PCDH11X: variants seen among roughly 807,000 people sequenced by gnomAD.
PCDH11X encodes the protein protocadherin-11 X-linked.
A neutral mutation model predicts 53.3 loss-of-function variants in PCDH11X; 18 were observed. That is an observed-to-expected ratio of 0.34 (90% CI 0.23 to 0.50). PCDH11X has a LOEUF of 0.50. Ranked by LOEUF, PCDH11X falls within the 20% of genes least tolerant of loss-of-function variation. The pLI is 0.98. For missense variants in PCDH11X, 570 were observed against 1,032.4 expected (o/e 0.55, Z 6.14); for synonymous variants, 279 against 393.3 (o/e 0.71, Z 3.44).
At position 91,787,283 on chromosome X, in the gene PCDH11X, G is replaced by GT. The variant is rs1159448773; in HGVS notation, c.-379+7607dup. Among the ~76,000 whole-genome samples, 8 of 109,550 alleles carry GT rather than the reference G, an allele frequency of 7.3e-5. No homozygotes were observed. The South Asian group carries it at 1.2e-3, about 16-fold the overall frequency. Reference sequence around the variant, plus strand: ...TGTTTGCCAATGATTTTTAGGTAGTGTTTTTTTTCCTGACACGACATTTTG... The same window carrying GT: ...TGTTTGCCAATGATTTTTAGGTAGTGTTTTTTTTTCCTGACACGACATTTTG... On this transcript the variant is annotated intron_variant, in intron 1 of 10. Transcript: ENST00000682573.
intron 6 of PCDH11X, among the ~76,000 whole-genome samples, chrX:92,174,597 G>T (rs183976284): frequency 8.9e-6 from 1 of 111,987 alleles, no homozygotes; most frequent in East Asian, 2.8e-4. Context: ...AAGATTGCAT[G>T]CTGAAACCAA....
chrX:92,265,019 GCTTTT>G (rs1211621655), intron 8 of PCDH11X, among the ~76,000 whole-genome samples: 1 of 108,336 alleles, frequency 9.2e-6, no homozygotes, highest in Non-Finnish European at 1.9e-5. Context: ...AACAGAAAAT[GCTTTT>G]CTTTATAAGG....
At chrX:92,391,369 G>T (rs772344701) in intron 9 of PCDH11X, among the ~76,000 whole-genome samples, 295 of 109,035 alleles carry the variant, frequency 2.7e-3, no homozygotes, top group Middle Eastern at 0.024. Flanking sequence ...CCCTGGTAAA[G>T]AACAAGTTGT....
At chrX:92,474,504 A>G (rs2073334060) in intron 10 of PCDH11X, among the ~76,000 whole-genome samples, 1 of 91,443 alleles carries the variant, frequency 1.1e-5, no homozygotes, top group East Asian at 3.5e-4. Context: ...TTTTCTGTTC[A>G]TTTTGTGGCC....
At chrX:92,515,382 C>T (rs1432913187) in intron 10 of PCDH11X, 4 of 218,809 alleles carry the variant, frequency 1.8e-5, no homozygotes, top group Non-Finnish European at 2.4e-5. Context: ...CAGCCGCCCC[C>T]GACAGTCTGC....
intron 10 of PCDH11X, among the ~76,000 whole-genome samples, chrX:92,559,947 A>G (rs2075108630): frequency 1.8e-5 from 2 of 111,522 alleles, no homozygotes; most frequent in East Asian, 2.8e-4. Flanking sequence ...TTAGAGTGGC[A>G]TGTGACCTAG....
At chrX:92,031,677 A>T (rs2063052835) in intron 6 of PCDH11X, among the ~76,000 whole-genome samples, 1 of 111,178 alleles carries the variant, frequency 9.0e-6, no homozygotes, top group Non-Finnish European at 1.9e-5. Flanking sequence ...AGAGACAGGG[A>T]TCTAGTTTCA....
At chrX:91,844,370 G>A (rs773313653) in intron 5 of PCDH11X, among the ~76,000 whole-genome samples, 1 of 110,312 alleles carries the variant, frequency 9.1e-6, no homozygotes, top group South Asian at 3.9e-4. Context: ...TGAATCAAAT[G>A]TCTCCTCTTC....
chrX:92,177,694 C>A lies in PCDH11X; in HGVS notation c.3034-23681C>A, dbSNP rs772073412. ...TGTGAATTTTGGTGCAATATTCAGA[C>A]AAAACCTAGAACATCTTAGGTGAAC... On this transcript the variant is annotated intron_variant, in intron 6 of 10. Coordinates refer to ENST00000682573, the MANE Select transcript of PCDH11X (RefSeq NM_032968.5). Among the ~76,000 whole-genome samples, 250 of 111,352 alleles carry A rather than the reference C, an allele frequency of 2.2e-3. 2 individuals carry two copies. Among genetic ancestry groups the A allele is most frequent in the Admixed American group, 0.022 (226 of 10,380 alleles).
chrX:92,443,138 A>G (rs1414391503), intron 9 of PCDH11X, among the ~76,000 whole-genome samples: 5 of 108,295 alleles, frequency 4.6e-5, no homozygotes, highest in Non-Finnish European at 7.7e-5. Context: ...ATAGTATCTT[A>G]TTGTGGTTTT....
At chrX:92,230,528 T>G (rs1603216293) in intron 7 of PCDH11X, among the ~76,000 whole-genome samples, 1 of 93,206 alleles carries the variant, frequency 1.1e-5, no homozygotes, top group South Asian at 4.4e-4. Flanking sequence ...ATATATAAAA[T>G]ACATATATAA....
At chrX:92,593,599 A>G (rs1925263810) in intron 10 of PCDH11X, among the ~76,000 whole-genome samples, 1 of 111,850 alleles carries the variant, frequency 8.9e-6, no homozygotes, top group African/African-American at 3.2e-5. Context: ...TTAAAAGAGT[A>G]ATGGGACAAA....
chrX:92,572,031 T>C (rs987792082), intron 10 of PCDH11X, among the ~76,000 whole-genome samples: 3 of 112,424 alleles, frequency 2.7e-5, no homozygotes, highest in Admixed American at 9.4e-5. Flanking sequence ...ATTATATATG[T>C]GTAGATAAAA....
intron 8 of PCDH11X, among the ~76,000 whole-genome samples, chrX:92,378,613 T>C (rs2070802758): frequency 9.0e-6 from 1 of 111,544 alleles, no homozygotes; most frequent in African/African-American, 3.3e-5. Flanking sequence ...AATTTATTTC[T>C]CAGAGTTCTG....
intron 6 of PCDH11X, among the ~76,000 whole-genome samples, chrX:92,022,954 G>C (rs1267604161): frequency 9.1e-6 from 1 of 110,074 alleles, no homozygotes; most frequent in East Asian, 2.9e-4. Context: ...CAATCAAGAA[G>C]TTCTTTGAAA....
At chrX:92,494,182 A>G (rs902617987) in intron 10 of PCDH11X, among the ~76,000 whole-genome samples, 2 of 110,445 alleles carry the variant, frequency 1.8e-5, no homozygotes. Flanking sequence ...TTCCTTAAAC[A>G]AAATCAGAGT....
chrX:92,192,037 A>C (rs1432097242), intron 6 of PCDH11X, among the ~76,000 whole-genome samples: 1 of 111,563 alleles, frequency 9.0e-6, no homozygotes, highest in East Asian at 2.8e-4. Flanking sequence ...CAAGGTTAGG[A>C]AGAAGTGCCT....
intron 6 of PCDH11X, among the ~76,000 whole-genome samples, chrX:92,042,934 C>T (rs1179748681): frequency 5.5e-5 from 6 of 109,884 alleles, no homozygotes; most frequent in African/African-American, 2.0e-4. Context: ...CCACCGCGCC[C>T]GGCCGTTGAT....
At chrX:91,901,400 CTTCCCAGTCCT>C (rs935011612) in intron 6 of PCDH11X, among the ~76,000 whole-genome samples, 1 of 110,872 alleles carries the variant, frequency 9.0e-6, no homozygotes, top group African/African-American at 3.3e-5. Flanking sequence ...CTAACTCTCA[CTTCCCAGTCCT>C]TTCCTGTCAG....
Sources: gnomAD v4.1 joint callset for allele counts (sites outside exome capture counted in the v4.1 genomes callset) on GRCh38, gnomAD v4.1.1 for gene constraint, MANE v1.5 for transcripts, NCBI Gene and HGNC (gene_info 2026-07-23, HGNC 2026-07-21) for gene names.